Variants in FARP1 observed in about 807,000 individuals in gnomAD.
The protein encoded by FARP1 is FERM, ARHGEF and pleckstrin domain-containing protein 1.
FARP1 carries 52 observed loss-of-function variants against 128.8 expected under a neutral mutation model. The observed-to-expected ratio is 0.40, with a 90% CI of 0.32 to 0.51. FARP1 has a LOEUF of 0.51. FARP1 is among the 20% of genes least tolerant of loss of function. FARP1 has a pLI of 0.45. For synonymous variants in FARP1, 580 were observed against 551.8 expected, an observed-to-expected ratio of 1.05 and a Z score of -0.72; for missense variants, 1,333 against 1,367.9, an observed-to-expected ratio of 0.97 and a Z score of 0.40.
At chr13:98,307,035 C>T (rs1416910048) in intron 2 of FARP1, among the ~76,000 whole-genome samples, 1 of 152,190 alleles carries the variant, frequency 6.6e-6, no homozygotes, top group African/African-American at 2.4e-5. Flanking sequence ...AACAGCTAAC[C>T]TCGTCACAGC....
intron 6 of FARP1, among the ~76,000 whole-genome samples, chr13:98,382,848 C>T (rs1221301907): frequency 5.3e-5 from 8 of 152,116 alleles, no homozygotes; most frequent in South Asian, 4.1e-4. Context: ...AGTCCCCAGG[C>T]GTTGTGCTGA....
rs1469530842 is a variant in FARP1, at chr13:98,143,291, C to T, written c.-225C>T. 1 of 149,500 alleles carries T rather than the reference C, an allele frequency of 6.7e-6. No homozygotes were observed. The highest frequency in any genetic ancestry group is 1.5e-5 in the Non-Finnish European group (1 of 66,892). The allele number at this position is 149,500 out of a possible 1,614,324, so 9.3% of individuals were successfully genotyped here. The stretch of plus-strand genomic sequence containing the variant: ...CTCCCCACCCACCCCGCCTGCTCCG[C>T]CCTCCCCTCCGCCCCGCGCCACCTT... On this transcript the variant is annotated 5_prime_UTR_variant, in exon 1 of 27. Transcript: ENST00000319562.
intron 24 of FARP1, among the ~76,000 whole-genome samples, chr13:98,444,743 G>A (rs1280287010): frequency 6.6e-6 from 1 of 152,208 alleles, no homozygotes; most frequent in Non-Finnish European, 1.5e-5. Context: ...AGACTGTGAT[G>A]GGTGACATGT....
At chr13:98,173,284 A>G (rs1877776722) in intron 1 of FARP1, among the ~76,000 whole-genome samples, 1 of 152,214 alleles carries the variant, frequency 6.6e-6, no homozygotes, top group Non-Finnish European at 1.5e-5. Context: ...GCACACAGAA[A>G]AAGTCAACAG....
In FARP1 at chr13:98,414,562, G is replaced by A. The variant is rs184781882; in HGVS notation, c.1826+2528G>A. Among the ~76,000 whole-genome samples the A allele has an allele frequency of 2.4e-3, 372 of 152,254 alleles. 3 individuals carry two copies. Among genetic ancestry groups the A allele is most frequent in the Non-Finnish European group, 3.8e-3 (260 of 68,024 alleles). ...CTGCACCTCTCAGCATCGGCTCCTC[G>A]TTGAAGTTACCTCAAGCAGCCTGAT... On this transcript the variant is annotated intron_variant, in intron 16 of 26. Transcript: ENST00000319562.
chr13:98,351,640 A>G (rs1375809856), intron 3 of FARP1, among the ~76,000 whole-genome samples: 1 of 151,870 alleles, frequency 6.6e-6, no homozygotes. Flanking sequence ...AGAAAAAAAG[A>G]AAAGAGGTTT....
intron 2 of FARP1, among the ~76,000 whole-genome samples, chr13:98,312,158 T>TTTTTTTTTTTTTTTG (rs1594387769): frequency 6.7e-6 from 1 of 149,138 alleles, no homozygotes; most frequent in African/African-American, 2.5e-5. Flanking sequence ...TTTTTTTCTT[T>TTTTTTTTTTTTTTTG]GAGACGGAGT....
intron 5 of FARP1, among the ~76,000 whole-genome samples, chr13:98,372,089 T>TC (rs1286207382): frequency 2.5e-4 from 36 of 143,122 alleles, no homozygotes; most frequent in Non-Finnish European, 4.3e-4. Context: ...TTCTTTTTTT[T>TC]TTTTTTTTTT....
chr13:98,213,189 A>G, intron 1 of FARP1, 31 bp from the exon 2 acceptor site: 1 of 1,570,244 alleles, frequency 6.4e-7, no homozygotes, highest in African/African-American at 1.4e-5. Flanking sequence ...TCCTATTCTG[A>G]TGTGTTTTTC....
rs1209460631 is a variant in FARP1 at position 98,384,671 on chromosome 13, T to C, written c.497-59T>C. On this transcript the variant is annotated intron_variant, in intron 6 of 26. Transcript: ENST00000319562. ...CTTCTGTTTGGCTCACTGGGGAATA[T>C]TGACAAACTGGGAAGTGTCATTCCT... The C allele has an allele frequency of 2.8e-5, 30 of 1,062,198 alleles. No individual in the cohort carries two copies. The Middle Eastern group carries it at 5.9e-4, about 21-fold the overall frequency. The allele number at this position is 1,062,198 out of a possible 1,614,324, so 65.8% of individuals were successfully genotyped here.
chr13:98,313,338 A>C (rs1171921737), intron 2 of FARP1, among the ~76,000 whole-genome samples: 7 of 150,774 alleles, frequency 4.6e-5, no homozygotes, highest in African/African-American at 7.3e-5. Flanking sequence ...ACACACACAC[A>C]CCTGCACAAA....
intron 2 of FARP1, among the ~76,000 whole-genome samples, chr13:98,217,663 A>G (rs1881157991): frequency 6.6e-6 from 1 of 152,194 alleles, no homozygotes; most frequent in Non-Finnish European, 1.5e-5. Context: ...GGCAACTCCC[A>G]TGGCTCATCT....
rs183093486 is a variant in FARP1, at chr13:98,193,203, T to C, written c.-23-20017T>C. Among the ~76,000 whole-genome samples the C allele has an allele frequency of 6.7e-4, 102 of 152,088 alleles. 1 individual carries two copies. The highest frequency in any genetic ancestry group is 2.2e-3 in the African/African-American group (92 of 41,522). Reference sequence around the variant, plus strand: ...CTCCCAAGTAGCTGAGACTACAGGCTTGCACCACCACGCCTGGCTAATTTT... The same window carrying C: ...CTCCCAAGTAGCTGAGACTACAGGCCTGCACCACCACGCCTGGCTAATTTT... On this transcript the variant is annotated intron_variant, in intron 1 of 26. Coordinates refer to ENST00000319562, the MANE Select transcript of FARP1 (RefSeq NM_005766.4).
intron 2 of FARP1, among the ~76,000 whole-genome samples, chr13:98,303,777 T>C (rs1296419106): frequency 6.6e-6 from 1 of 152,184 alleles, no homozygotes; most frequent in Non-Finnish European, 1.5e-5. Context: ...TGGAATTCTA[T>C]GGAATCTCAG....
intron 1 of FARP1, among the ~76,000 whole-genome samples, chr13:98,186,991 CAAAAAAAAAAAAAAA>C (rs33992037): frequency 2.1e-5 from 1 of 47,834 alleles, no homozygotes; most frequent in Non-Finnish European, 3.8e-5. Context: ...GATTCTGTCT[CAAAAAAAAAAAAAAA>C]AAAAAAAAAA....
At chr13:98,164,533 C>G (rs944372050) in intron 1 of FARP1, among the ~76,000 whole-genome samples, 3 of 152,226 alleles carry the variant, frequency 2.0e-5, no homozygotes, top group African/African-American at 4.8e-5. Flanking sequence ...AACAAAGCAA[C>G]ACATCTGTGG....
intron 1 of FARP1, among the ~76,000 whole-genome samples, chr13:98,205,341 G>T (rs1880201018): frequency 6.6e-6 from 1 of 151,948 alleles, no homozygotes; most frequent in Admixed American, 6.6e-5. Context: ...TTTCTTTAGG[G>T]ATACCGATTG....
intron 1 of FARP1, chr13:98,208,729 G>A (rs1275140544): frequency 6.5e-6 from 1 of 152,718 alleles, no homozygotes; most frequent in African/African-American, 2.4e-5. Context: ...AGACATGTTC[G>A]ATGGAAGGAC....
At chr13:98,410,275 C>T (rs9554464) in intron 14 of FARP1, among the ~76,000 whole-genome samples, 9,893 of 152,314 alleles carry the variant, frequency 0.065, 712 homozygotes, top group East Asian at 0.3. Flanking sequence ...GCCGATGATG[C>T]CACCAGCTGA....
Sources: gnomAD v4.1 joint callset for allele counts (sites outside exome capture counted in the v4.1 genomes callset) on GRCh38, gnomAD v4.1.1 for gene constraint, MANE v1.5 for transcripts, NCBI Gene and HGNC (gene_info 2026-07-23, HGNC 2026-07-21) for gene names.